FHIT: variants seen among roughly 807,000 people sequenced by gnomAD.
FHIT encodes fragile histidine triad diadenosine triphosphatase, also known as bis(5'-adenosyl)-triphosphatase.
Under a neutral mutation model 17.9 loss-of-function variants are expected in FHIT, and 19 were observed. The ratio of observed to expected loss-of-function variants is 1.06; its 90% CI spans 0.74 to 1.56. The LOEUF is 1.56. Ranked by LOEUF, FHIT falls within the 40% of genes most tolerant of loss-of-function variation. The pLI is 0.00. For synonymous variants in FHIT, 81 were observed against 69.7 expected, an observed-to-expected ratio of 1.16 and a Z score of -0.81; for missense variants, 248 against 189.2, an observed-to-expected ratio of 1.31 and a Z score of -1.82.
At chr3:60,495,929 G>C (rs2034283453) in intron 5 of FHIT, among the ~76,000 whole-genome samples, 1 of 152,034 alleles carries the variant, frequency 6.6e-6, no homozygotes, top group Non-Finnish European at 1.5e-5. Context: ...CATGGGGAAA[G>C]AATAGAATGG....
At chr3:61,193,798 A>T (rs1010699417) in intron 2 of FHIT, among the ~76,000 whole-genome samples, 1 of 152,180 alleles carries the variant, frequency 6.6e-6, no homozygotes, top group Non-Finnish European at 1.5e-5. Context: ...AAGGTGTGAT[A>T]CCTTTCCTCA....
chr3:61,210,708 C>A (rs886285198), intron 1 of FHIT, among the ~76,000 whole-genome samples: 3 of 152,082 alleles, frequency 2.0e-5, no homozygotes. Flanking sequence ...ATCTGTCACC[C>A]CTCTCTTTTA....
chr3:60,555,595 T>C (rs2036713830), intron 4 of FHIT, among the ~76,000 whole-genome samples: 1 of 152,228 alleles, frequency 6.6e-6, no homozygotes, highest in Non-Finnish European at 1.5e-5. Context: ...TTTCTCTTCA[T>C]CGTTTTTTCA....
At chr3:60,736,740 T>A (rs75488545) in intron 4 of FHIT, among the ~76,000 whole-genome samples, 3 of 152,228 alleles carry the variant, frequency 2.0e-5, no homozygotes, top group Non-Finnish European at 4.4e-5. Flanking sequence ...ACTTTGTATT[T>A]ATACTAAAAC....
chr3:60,108,040 A>T (rs554884221), intron 5 of FHIT, among the ~76,000 whole-genome samples: 1 of 152,330 alleles, frequency 6.6e-6, no homozygotes, highest in South Asian at 2.1e-4. Context: ...TCAAGGTTTC[A>T]TCTTCACATA....
chr3:60,942,050 A>C (rs1478610695), intron 3 of FHIT, among the ~76,000 whole-genome samples: 2 of 152,054 alleles, frequency 1.3e-5, no homozygotes, highest in African/African-American at 4.8e-5. Context: ...CAATGGCACA[A>C]TTGGCTCGCT....
At chr3:60,502,516 C>T (rs999767209) in intron 5 of FHIT, among the ~76,000 whole-genome samples, 1 of 152,154 alleles carries the variant, frequency 6.6e-6, no homozygotes, top group African/African-American at 2.4e-5. Context: ...TCTTAACCCT[C>T]CAAGGATCCT....
chr3:60,319,477 G>C (rs1261782909), intron 5 of FHIT, among the ~76,000 whole-genome samples: 1 of 152,118 alleles, frequency 6.6e-6, no homozygotes, highest in East Asian at 1.9e-4. Context: ...GAACAGAGTA[G>C]ATGATGGAAC....
At chr3:60,331,898 C>T (rs1709997921) in intron 5 of FHIT, among the ~76,000 whole-genome samples, 3 of 151,696 alleles carry the variant, frequency 2.0e-5, no homozygotes, top group Admixed American at 1.3e-4. Context: ...ACTGACACTC[C>T]AGGAAGCATG....
chr3:60,395,925 A>T (rs1701422839), intron 5 of FHIT, among the ~76,000 whole-genome samples: 3 of 152,196 alleles, frequency 2.0e-5, no homozygotes, highest in Admixed American at 6.5e-5. Context: ...CCTTAAAAAG[A>T]CACAGACTAC....
At chr3:60,808,266 G>T (rs140986114) in intron 4 of FHIT, among the ~76,000 whole-genome samples, 1 of 151,776 alleles carries the variant, frequency 6.6e-6, no homozygotes, top group African/African-American at 2.4e-5. Context: ...TTACACTTTT[G>T]TTTTTTTTAA....
At chr3:60,687,188 T>C (rs2040879030) in intron 4 of FHIT, among the ~76,000 whole-genome samples, 1 of 152,202 alleles carries the variant, frequency 6.6e-6, no homozygotes, top group Non-Finnish European at 1.5e-5. Context: ...ATAAATATTA[T>C]TTGCTTGTTG....
At chr3:60,104,295 G>A (rs1576107812) in intron 5 of FHIT, among the ~76,000 whole-genome samples, 1 of 152,218 alleles carries the variant, frequency 6.6e-6, no homozygotes, top group East Asian at 1.9e-4. Flanking sequence ...TACCAACTCT[G>A]TGCTAGAACC....
chr3:61,012,886 T>A (rs1013370620), intron 3 of FHIT, among the ~76,000 whole-genome samples: 12 of 152,018 alleles, frequency 7.9e-5, no homozygotes, highest in East Asian at 1.9e-4. Flanking sequence ...ATTACATTGA[T>A]AAAATTCTGT....
intron 4 of FHIT, among the ~76,000 whole-genome samples, chr3:60,679,268 C>T (rs887108214): frequency 2.6e-5 from 4 of 152,146 alleles, no homozygotes; most frequent in African/African-American, 9.6e-5. Context: ...AAAACAACTT[C>T]AATCCTTAAA....
intron 8 of FHIT, among the ~76,000 whole-genome samples, chr3:59,817,875 C>T (rs1338357978): frequency 1.3e-5 from 2 of 151,982 alleles, no homozygotes; most frequent in African/African-American, 2.4e-5. Flanking sequence ...AGCTGTTTTC[C>T]TTAAGCTGAG....
At chr3:60,773,542 T>A (rs1700116269) in intron 4 of FHIT, among the ~76,000 whole-genome samples, 1 of 152,234 alleles carries the variant, frequency 6.6e-6, no homozygotes, top group Admixed American at 6.5e-5. Flanking sequence ...TTTTTCTATG[T>A]CTTCTCTCTT....
At chr3:61,189,963 C>A (rs1173251313) in intron 2 of FHIT, among the ~76,000 whole-genome samples, 2 of 151,824 alleles carry the variant, frequency 1.3e-5, no homozygotes, top group Non-Finnish European at 2.9e-5. Flanking sequence ...AAATGTTAGA[C>A]CTAAAACCAT....
At chr3:60,494,131 CA>C (rs1460904781) in intron 5 of FHIT, among the ~76,000 whole-genome samples, 1 of 152,130 alleles carries the variant, frequency 6.6e-6, no homozygotes, top group Non-Finnish European at 1.5e-5. Context: ...CAATGTCATG[CA>C]ACTTTCACCA....
Sources: allele counts gnomAD v4.1 joint callset (sites outside exome capture counted in the v4.1 genomes callset), GRCh38; gene constraint gnomAD v4.1.1; transcripts MANE v1.5; gene names NCBI Gene and HGNC (gene_info 2026-07-23, HGNC 2026-07-21).